The following DLG1 variants were observed in gnomAD, a reference collection of about 807,000 sequenced individuals.
DLG1 encodes disks large homolog 1.
In DLG1, 42 loss-of-function variants were observed where a neutral mutation model predicts 123.4. The observed-to-expected ratio is 0.34, with a 90% CI of 0.27 to 0.44. The LOEUF (loss-of-function observed/expected upper bound fraction) is 0.44. Among genes scored for constraint, DLG1 ranks in the 20% least tolerant of loss-of-function variants. DLG1 has a pLI of 1.00. For missense variants in DLG1, 942 were observed against 1,082.6 expected, an observed-to-expected ratio of 0.87 and a Z score of 1.82; for synonymous variants, 317 against 356.2, an observed-to-expected ratio of 0.89 and a Z score of 1.24.
At chr3:197,058,817 C>A (rs1456603849) in intron 23 of DLG1, among the ~76,000 whole-genome samples, 1 of 152,168 alleles carries the variant, frequency 6.6e-6, no homozygotes, top group Non-Finnish European at 1.5e-5. Flanking sequence ...TACTTTTCGC[C>A]CCTATGCAGC....
chr3:197,226,395 G>A (rs917100653), intron 4 of DLG1: 8 of 152,148 alleles, frequency 5.3e-5, no homozygotes, highest in African/African-American at 1.9e-4. Context: ...AATATATGCT[G>A]GCTGCTTTGG....
At chr3:197,169,873 T>C (rs1025802203) in intron 5 of DLG1, among the ~76,000 whole-genome samples, 1 of 152,140 alleles carries the variant, frequency 6.6e-6, no homozygotes. Context: ...TTAAGAATAG[T>C]ACCCATTTAG....
chr3:197,070,410 C>G (rs1742842335), intron 18 of DLG1: 1 of 149,316 alleles, frequency 6.7e-6, no homozygotes, highest in South Asian at 2.1e-4. Flanking sequence ...CCATGCCCTG[C>G]TAAAATTTTG....
At chr3:197,219,416 C>T (rs1735780322) in intron 4 of DLG1, among the ~76,000 whole-genome samples, 3 of 152,162 alleles carry the variant, frequency 2.0e-5, no homozygotes, top group Admixed American at 6.5e-5. Flanking sequence ...TTTACGAATG[C>T]TCAGTGAACT....
At chr3:197,207,543 T>C (rs1024883471) in intron 4 of DLG1, among the ~76,000 whole-genome samples, 1 of 152,122 alleles carries the variant, frequency 6.6e-6, no homozygotes, top group Non-Finnish European at 1.5e-5. Flanking sequence ...TAACTGAAAT[T>C]CTTGTAAAAA....
intron 5 of DLG1, among the ~76,000 whole-genome samples, chr3:197,167,245 G>A (rs1801905219): frequency 6.6e-6 from 1 of 152,068 alleles, no homozygotes; most frequent in Admixed American, 6.5e-5. Context: ...ATGTAATGAT[G>A]GAATTATAAA....
rs566313888 is a variant in DLG1, at chr3:197,174,145, G to A, written c.483+20280C>T. On this transcript the variant is annotated intron_variant, in intron 5 of 24. Coordinates refer to ENST00000667157, the MANE Select transcript of DLG1 (RefSeq NM_001366207.1). ...GCAGGCTACATTTGGCCTACAGATT[G>A]TAGCTTGCTGACTCCTGCTTTAGCT... 3.3e-5 allele frequency among the ~76,000 whole-genome samples: 5 copies of A among 152,312 alleles called. No individual in the cohort carries two copies. The South Asian group carries it at 1.0e-3, about 32-fold the overall frequency.
intron 4 of DLG1, among the ~76,000 whole-genome samples, chr3:197,254,295 T>C (rs763275967): frequency 6.6e-6 from 1 of 152,166 alleles, no homozygotes; most frequent in Non-Finnish European, 1.5e-5. Context: ...CACCCTAAAG[T>C]CATGCTAGTG....
intron 4 of DLG1, among the ~76,000 whole-genome samples, chr3:197,204,652 G>A (rs1291345330): frequency 2.0e-5 from 3 of 151,952 alleles, no homozygotes; most frequent in Admixed American, 6.5e-5. Context: ...AACATTTGGG[G>A]AAAAAAATAC....
intron 4 of DLG1, among the ~76,000 whole-genome samples, chr3:197,238,995 C>G (rs1198484275): frequency 1.3e-5 from 2 of 151,870 alleles, no homozygotes; most frequent in African/African-American, 4.8e-5. Context: ...GGCAGAGATA[C>G]ACAAAATAGA....
At chr3:197,272,596 A>G (rs1764382545) in intron 4 of DLG1, among the ~76,000 whole-genome samples, 1 of 152,254 alleles carries the variant, frequency 6.6e-6, no homozygotes. Context: ...AACTGGAAAC[A>G]ATCCACATGA....
At chr3:197,291,099 G>C (rs1168232761) in intron 3 of DLG1, among the ~76,000 whole-genome samples, 1 of 151,954 alleles carries the variant, frequency 6.6e-6, no homozygotes, top group East Asian at 1.9e-4. Flanking sequence ...TGATTCCAAG[G>C]TTCTAAAGAG....
At chr3:197,120,494 C>T (rs1483179188) in intron 11 of DLG1, among the ~76,000 whole-genome samples, 1 of 152,106 alleles carries the variant, frequency 6.6e-6, no homozygotes, top group Non-Finnish European at 1.5e-5. Context: ...ACAGAGGAAG[C>T]AATATTTAAC....
intron 23 of DLG1, among the ~76,000 whole-genome samples, chr3:197,056,162 C>T (rs996990600): frequency 7.2e-5 from 11 of 152,042 alleles, no homozygotes; most frequent in African/African-American, 1.7e-4. Context: ...AACAGAGATC[C>T]GAAATAGTAA....
At chr3:197,219,394 G>GAGA in intron 4 of DLG1, among the ~76,000 whole-genome samples, 1 of 152,250 alleles carries the variant, frequency 6.6e-6, no homozygotes, top group South Asian at 2.1e-4. Flanking sequence ...GATAGGATTT[G>GAGA]TTCAAACCTA....
At chr3:197,261,046 T>G (rs2150960834) in intron 4 of DLG1, among the ~76,000 whole-genome samples, 1 of 152,312 alleles carries the variant, frequency 6.6e-6, no homozygotes, top group East Asian at 1.9e-4. Context: ...TCCATTTCAC[T>G]GATCCCCCAC....
At chr3:197,069,129 T>A (rs1015775944) in intron 19 of DLG1, 90 bp downstream of exon 19, 58 of 822,096 alleles carry the variant, frequency 7.1e-5, no homozygotes, top group Non-Finnish European at 1.0e-4. Flanking sequence ...TAACTTCAGG[T>A]TTTTATAACA....
At chr3:197,078,488 G>A (rs909176864) in intron 17 of DLG1, 1 of 152,044 alleles carries the variant, frequency 6.6e-6, no homozygotes, top group Non-Finnish European at 1.5e-5. Context: ...CATTAGCCAA[G>A]CAGACTGTCT....
chr3:197,197,919 G>A (rs1723399885), intron 4 of DLG1, among the ~76,000 whole-genome samples: 1 of 152,010 alleles, frequency 6.6e-6, no homozygotes, highest in South Asian at 2.1e-4. Context: ...AATGATATTG[G>A]GACAACTGCA....
Sources: gnomAD v4.1 joint callset for allele counts (sites outside exome capture counted in the v4.1 genomes callset) on GRCh38, gnomAD v4.1.1 for gene constraint, MANE v1.5 for transcripts, NCBI Gene and HGNC (gene_info 2026-07-23, HGNC 2026-07-21) for gene names.